PADI3: variants seen among roughly 807,000 people sequenced by gnomAD.
PADI3 encodes protein-arginine deiminase type-3.
Under a neutral mutation model 71.5 loss-of-function variants are expected in PADI3, and 53 were observed. That is an observed-to-expected ratio of 0.74 (90% CI 0.59 to 0.93). The LOEUF (loss-of-function observed/expected upper bound fraction) is 0.93, where lower values mean the gene tolerates loss of function less well. Ranked by LOEUF, PADI3 falls within the 40% of genes least tolerant of loss-of-function variation. The pLI, the probability that PADI3 is intolerant of heterozygous loss-of-function variation, is 0.00. For synonymous variants in PADI3, 361 were observed against 347.5 expected (o/e 1.04, Z -0.43); for missense variants, 821 against 868.0 (o/e 0.95, Z 0.68).
intron 13 of PADI3, among the ~76,000 whole-genome samples, chr1:17,278,655 C>T (rs1014633076): frequency 4.6e-5 from 7 of 152,122 alleles, no homozygotes; most frequent in African/African-American, 1.7e-4. Flanking sequence ...CCCTTTCCAG[C>T]CCCACTGAGA....
chr1:17,268,295 A>G (rs2073198852), intron 6 of PADI3, among the ~76,000 whole-genome samples: 1 of 152,200 alleles, frequency 6.6e-6, no homozygotes, highest in Non-Finnish European at 1.5e-5. Context: ...ACTCAGATTA[A>G]ACAATTATCA....
At chr1:17,262,003 A>G in intron 2 of PADI3, 130 bp from the exon 3 acceptor site, 1 of 725,070 alleles carries the variant, frequency 1.4e-6, no homozygotes, top group South Asian at 1.6e-5. Context: ...AATAAATGGC[A>G]CAGAGGAGGT....
At chr1:17,250,547 G>A (rs1005134914) in intron 1 of PADI3, among the ~76,000 whole-genome samples, 1 of 152,146 alleles carries the variant, frequency 6.6e-6, no homozygotes, top group Non-Finnish European at 1.5e-5. Context: ...TGAGGAGCTG[G>A]TCATGGGAGG....
intron 4 of PADI3, 115 bp downstream of exon 4, chr1:17,265,835 G>A (rs77094783): frequency 0.058 from 50,589 of 872,602 alleles, 1,856 homozygotes; most frequent in African/African-American, 0.13. Flanking sequence ...CTGATGCCGA[G>A]ACCAAGGGCC....
At chr1:17,277,064 G>C (rs750958595) in intron 13 of PADI3, among the ~76,000 whole-genome samples, 188 bp downstream of exon 13, 4 of 152,240 alleles carry the variant, frequency 2.6e-5, no homozygotes, top group African/African-American at 4.8e-5. Context: ...GGGCCGAGCT[G>C]AGGTGGGAAG....
At position 17,259,771 on chromosome 1, in the gene PADI3, C is replaced by T. The variant is rs764919020; in HGVS notation, c.273+13C>T. The T allele has an allele frequency of 5.0e-6, 8 of 1,586,996 alleles. No homozygotes were observed. Among genetic ancestry groups the T allele is most frequent in the South Asian group, 3.4e-5 (3 of 88,242 alleles). On this transcript the variant is annotated intron_variant, in intron 2 of 15. Coordinates refer to ENST00000375460, the MANE Select transcript of PADI3 (RefSeq NM_016233.2). ...CAACGACAGCCATGTGAGCTGGTCC[C>T]TGGTGGGGTGGGGAGAGGTTTCGAG...
chr1:17,283,745 A>T lies in PADI3; in HGVS notation c.*666A>T, dbSNP rs1395812551. 2 of 152,334 alleles carry T rather than the reference A, an allele frequency of 1.3e-5. No individual in the cohort carries two copies. Among genetic ancestry groups the T allele is most frequent in the Middle Eastern group, 3.4e-3 (1 of 294 alleles). The allele number at this position is 152,334 out of a possible 1,614,324, so 9.4% of individuals were successfully genotyped here. A position where few individuals can be genotyped will look rare whatever the true frequency, so the allele number is the denominator to read the frequency against. On this transcript the variant is annotated 3_prime_UTR_variant, in exon 16 of 16. Transcript: ENST00000375460. Reference sequence around the variant, plus strand: ...CCCTTAGCCTTATAAACTCCCCATGATCTGACATGCAGAAATCCAGCCTTG... The same window carrying T: ...CCCTTAGCCTTATAAACTCCCCATGTTCTGACATGCAGAAATCCAGCCTTG...
At chr1:17,261,161 T>C (rs539506763) in intron 2 of PADI3, among the ~76,000 whole-genome samples, 1 of 151,960 alleles carries the variant, frequency 6.6e-6, no homozygotes, top group African/African-American at 2.4e-5. Context: ...AAGCAGAGAG[T>C]TGAGACACCC....
At position 17,249,112 on chromosome 1, in the gene PADI3, C is replaced by A; in HGVS notation, c.-26C>A. 1 of 1,600,816 alleles carries A rather than the reference C, an allele frequency of 6.2e-7. No homozygotes were observed. Among genetic ancestry groups the A allele is most frequent in the Non-Finnish European group, 8.6e-7 (1 of 1,168,028 alleles). The stretch of plus-strand genomic sequence containing the variant: ...GCCTCAGGGGCAGTGTTGGGGTTGG[C>A]GGCCACAGCTAAGTCCAACACCAGC... On this transcript the variant is annotated 5_prime_UTR_variant, in exon 1 of 16. Coordinates refer to ENST00000375460, the MANE Select transcript of PADI3 (RefSeq NM_016233.2).
intron 1 of PADI3, among the ~76,000 whole-genome samples, chr1:17,256,405 C>T (rs1569879351): frequency 1.3e-5 from 2 of 152,240 alleles, no homozygotes; most frequent in Non-Finnish European, 2.9e-5. Flanking sequence ...TGACTCTGGT[C>T]CCAGCACCAC....
intron 15 of PADI3, among the ~76,000 whole-genome samples, chr1:17,282,370 A>G (rs1245989670): frequency 6.6e-6 from 1 of 152,024 alleles, no homozygotes; most frequent in Non-Finnish European, 1.5e-5. Flanking sequence ...CTCTTCTTCC[A>G]GCTTGGCTTC....
intron 2 of PADI3, 54 bp downstream of exon 2, chr1:17,259,812 G>C (rs1557500408): frequency 6.8e-7 from 1 of 1,460,658 alleles, no homozygotes; most frequent in African/African-American, 1.4e-5. Context: ...CAGCTGTCTA[G>C]CTCTAGGAGG....
At chr1:17,260,969 A>G (rs1157171625) in intron 2 of PADI3, among the ~76,000 whole-genome samples, 1 of 152,180 alleles carries the variant, frequency 6.6e-6, no homozygotes, top group African/African-American at 2.4e-5. Context: ...CTCACCCGCC[A>G]TATACCCCTG....
At chr1:17,275,245 C>T (rs2073312418) in intron 11 of PADI3, among the ~76,000 whole-genome samples, 2 of 150,286 alleles carry the variant, frequency 1.3e-5, no homozygotes, top group African/African-American at 4.9e-5. Flanking sequence ...ACCATCCTGG[C>T]TAACATGGTG....
Position 17,255,647 on chromosome 1 carries a change from A to G in PADI3, c.93-3931A>G, listed in dbSNP as rs575745352. Reference sequence around the variant, plus strand: ...GCTGCCCCTCTCATTCTCCTAACACACAGCTTTCATGACAGGCATGAGCAC... The same window carrying G: ...GCTGCCCCTCTCATTCTCCTAACACGCAGCTTTCATGACAGGCATGAGCAC... On this transcript the variant is annotated intron_variant, in intron 1 of 15. Transcript: ENST00000375460. 3.9e-5 allele frequency among the ~76,000 whole-genome samples: 6 copies of G among 152,230 alleles called. No individual in the cohort carries two copies. In the East Asian group the frequency reaches 1.2e-3, roughly 29 times the overall value.
chr1:17,251,985 G>T (rs565715721), intron 1 of PADI3, among the ~76,000 whole-genome samples: 7 of 152,310 alleles, frequency 4.6e-5, no homozygotes, highest in Admixed American at 3.9e-4. Flanking sequence ...GACCCTTGAA[G>T]GATGAGGACA....
chr1:17,259,830 ATT>A (rs1447284888), intron 2 of PADI3, 72 bp downstream of exon 2: 1 of 1,354,160 alleles, frequency 7.4e-7, no homozygotes, highest in East Asian at 2.4e-5. Context: ...AGGGCCCAAC[ATT>A]CTCTTTCTCC....
rs2073173630 is a variant in PADI3, at chr1:17,266,743, G to A, written c.433G>A (p.Gly145Arg). The change falls in exon 5 of 16, where the codon GGG (glycine) becomes AGG (arginine). Residue 145 changes from glycine (G) to arginine (R), a missense_variant. Physicochemically the swap from Gly to Arg is moderately radical, Grantham distance 125 (BLOSUM62 -2). Coordinates refer to ENST00000375460, the MANE Select transcript of PADI3 (RefSeq NM_016233.2). ...DKRQWVWGPS[G>R]YGGILLVNCD... The stretch of plus-strand genomic sequence containing the variant: ...GCGGCAGTGGGTCTGGGGGCCCAGT[G>A]GGTATGGCGGCATCTTGCTGGTGAA... 1 of 1,614,184 alleles carries A rather than the reference G, an allele frequency of 6.2e-7. No homozygotes were observed.
chr1:17,255,546 T>C (rs945510176), intron 1 of PADI3, among the ~76,000 whole-genome samples: 5 of 152,196 alleles, frequency 3.3e-5, no homozygotes, highest in Non-Finnish European at 5.9e-5. Context: ...CAGGTGAGGC[T>C]CCAGGTACTT....
Sources: allele counts gnomAD v4.1 joint callset (sites outside exome capture counted in the v4.1 genomes callset), GRCh38; gene constraint gnomAD v4.1.1; transcripts MANE v1.5; gene names NCBI Gene and HGNC (gene_info 2026-07-23, HGNC 2026-07-21).